THNSL1: variants seen among roughly 807,000 people sequenced by gnomAD.
THNSL1 encodes threonine synthase-like 1.
THNSL1 carries 48 observed loss-of-function variants against 50.4 expected under a neutral mutation model. The observed-to-expected ratio is 0.95, with a 90% CI of 0.76 to 1.21. The LOEUF is 1.21. Among genes scored for constraint, THNSL1 ranks in the 50% most tolerant of loss-of-function variants. The pLI is 0.00. For synonymous variants in THNSL1, 309 were observed against 306.1 expected (o/e 1.01, Z -0.10); for missense variants, 896 against 871.7 (o/e 1.03, Z -0.35).
Position 25,025,452 on chromosome 10 carries a change from A to G in THNSL1, c.2229A>G (p.Ile743Met). 1.9e-6 allele frequency: 3 copies of G among 1,594,380 alleles called. No homozygotes were observed. The highest frequency in any genetic ancestry group is 2.2e-5 in the East Asian group (1 of 44,712). The change falls in exon 3 of 3, where the codon ATA (isoleucine) becomes ATG (methionine). Residue 743 changes from isoleucine to methionine, a missense_variant. Transcript: ENST00000376356. ...AACAACTTGTCCAAAATCAATTCAT[A>G]TGAAAGCTTTCAGAGTAAATTTTTT... is the stretch of plus-strand genomic sequence containing the variant. ...HVEQLVQNQFI is the reference protein window; with the variant it reads ...HVEQLVQNQFM
the THNSL1 span, among the ~76,000 whole-genome samples, chr10:24,957,922 A>G: frequency 0.023 from 3,449 of 152,350 alleles, 140 homozygotes; most frequent in African/African-American, 0.08. Context: ...TGAAAACACA[A>G]ATATTTATAA....
At chr10:24,990,570 C>T in the THNSL1 span, 46 of 1,613,104 alleles carry the variant, frequency 2.9e-5, no homozygotes, top group Admixed American at 1.8e-4. Context: ...TTTATTTCCT[C>T]GTTTCGCTTA....
At chr10:24,974,286 A>G in the THNSL1 span, among the ~76,000 whole-genome samples, 5 of 151,930 alleles carry the variant, frequency 3.3e-5, no homozygotes, top group African/African-American at 1.2e-4. Context: ...TTTTAAAAAA[A>G]AATCTAACAA....
the THNSL1 span, among the ~76,000 whole-genome samples, chr10:25,003,898 C>T: frequency 2.0e-5 from 3 of 152,190 alleles, no homozygotes; most frequent in South Asian, 6.2e-4. Context: ...CACCATTTAG[C>T]TCTCACTTTA....
the THNSL1 span, among the ~76,000 whole-genome samples, chr10:25,009,236 C>T: frequency 6.6e-6 from 1 of 151,314 alleles, no homozygotes; most frequent in Non-Finnish European, 1.5e-5. Flanking sequence ...GCATATGTAC[C>T]CTAAACCTTA....
upstream of THNSL1, among the ~76,000 whole-genome samples, chr10:25,014,319 CTTTT>C (rs977642707): frequency 5.3e-5 from 8 of 152,116 alleles, no homozygotes; most frequent in African/African-American, 1.9e-4. Flanking sequence ...AGAAATGATT[CTTTT>C]GGCATCACAT....
chr10:24,973,617 T>G, the THNSL1 span, among the ~76,000 whole-genome samples: 1 of 152,016 alleles, frequency 6.6e-6, no homozygotes, highest in Non-Finnish European at 1.5e-5. Context: ...ATGAAAAAAA[T>G]TATAAGAATA....
chr10:24,992,591 T>C, the THNSL1 span, among the ~76,000 whole-genome samples: 1 of 152,186 alleles, frequency 6.6e-6, no homozygotes. Flanking sequence ...CTGTCTGGTC[T>C]AGTGACAAGC....
the THNSL1 span, among the ~76,000 whole-genome samples, chr10:24,972,244 G>T: frequency 6.9e-6 from 1 of 145,458 alleles, no homozygotes. Flanking sequence ...GTGGTGGCTC[G>T]CGCCTGTAAT....
the THNSL1 span, among the ~76,000 whole-genome samples, chr10:24,958,752 A>G: frequency 6.6e-6 from 1 of 151,598 alleles, no homozygotes; most frequent in East Asian, 1.9e-4. Context: ...GGGTAGATCT[A>G]AGTTTGTTCT....
the THNSL1 span, chr10:24,984,382 G>GAA: frequency 0.12 from 161,981 of 1,355,760 alleles, 406 homozygotes; most frequent in East Asian, 0.15. Flanking sequence ...ATGCGCTGCA[G>GAA]AAAAAAAAAA....
At chr10:24,972,191 T>TAA in the THNSL1 span, among the ~76,000 whole-genome samples, 3 of 119,220 alleles carry the variant, frequency 2.5e-5, no homozygotes, top group African/African-American at 5.9e-5. Context: ...GACTCTATCT[T>TAA]AAAAAAAAAA....
At chr10:25,010,112 G>A in the THNSL1 span, among the ~76,000 whole-genome samples, 2 of 152,194 alleles carry the variant, frequency 1.3e-5, no homozygotes, top group African/African-American at 4.8e-5. Context: ...GGAAAGTTTG[G>A]AGCTTCCTAG....
At chr10:24,971,663 T>A in the THNSL1 span, among the ~76,000 whole-genome samples, 1 of 152,186 alleles carries the variant, frequency 6.6e-6, no homozygotes, top group Non-Finnish European at 1.5e-5. Flanking sequence ...TTAAAAAAGG[T>A]AACATCTAGG....
chr10:24,959,993 T>C, the THNSL1 span, among the ~76,000 whole-genome samples: 1 of 152,190 alleles, frequency 6.6e-6, no homozygotes, highest in Non-Finnish European at 1.5e-5. Context: ...TGCAACTTGG[T>C]GTTTTCCTAG....
At chr10:24,971,782 CA>C in the THNSL1 span, among the ~76,000 whole-genome samples, 2 of 152,172 alleles carry the variant, frequency 1.3e-5, no homozygotes, top group Non-Finnish European at 1.5e-5. Flanking sequence ...CACTATCAAC[CA>C]GGGGGCAGTT....
At chr10:25,016,062 C>A (rs570245007), upstream of THNSL1, 1,793 of 1,428,724 alleles carry the variant, frequency 1.3e-3, 47 homozygotes, top group South Asian at 0.027. Context: ...CACAGGTTCT[C>A]TCCTTCACAT....
chr10:25,000,716 A>C, the THNSL1 span, among the ~76,000 whole-genome samples: 13 of 152,064 alleles, frequency 8.5e-5, no homozygotes, highest in Non-Finnish European at 1.6e-4. Context: ...CTGCATAGAA[A>C]TTTTATCCAG....
the THNSL1 span, among the ~76,000 whole-genome samples, chr10:24,973,859 T>C: frequency 6.6e-6 from 1 of 152,148 alleles, no homozygotes; most frequent in Non-Finnish European, 1.5e-5. Context: ...GTTCATGTGA[T>C]TCTCCTGCCT....
Sources: allele counts gnomAD v4.1 joint callset (sites outside exome capture counted in the v4.1 genomes callset), GRCh38; gene constraint gnomAD v4.1.1; transcripts MANE v1.5; gene names NCBI Gene and HGNC (gene_info 2026-07-23, HGNC 2026-07-21).